Variants in MLIP observed in about 807,000 individuals in gnomAD.
The protein encoded by MLIP is muscular LMNA-interacting protein.
A neutral mutation model predicts 84.8 loss-of-function variants in MLIP; 79 were observed. The observed-to-expected ratio is 0.93, with a 90% CI of 0.78 to 1.12. The LOEUF (loss-of-function observed/expected upper bound fraction) is 1.12. MLIP is among the 50% of genes most tolerant of loss of function. The pLI, the probability that MLIP is intolerant of heterozygous loss-of-function variation, is 0.00. For missense variants in MLIP, 1,257 were observed against 1,160.6 expected (o/e 1.08, Z -1.21); for synonymous variants, 504 against 463.0 (o/e 1.09, Z -1.14).
rs183701117 is a variant in MLIP at position 54,224,347 on chromosome 6, A to G, written c.2719-6367A>G. On this transcript the variant is annotated intron_variant, in intron 11 of 13. Transcript: ENST00000502396. ...GTGAATTAGGAAATCCACAGGAAAT[A>G]AATACTTTATAGCAAAAATACCTAG... 2.5e-3 allele frequency among the ~76,000 whole-genome samples: 373 copies of G among 152,130 alleles called. 10 individuals carry two copies. The highest frequency in any genetic ancestry group is 2.2e-4 in the Non-Finnish European group (15 of 67,972).
At chr6:54,227,461 C>A (rs1264409605) in intron 11 of MLIP, among the ~76,000 whole-genome samples, 1 of 151,998 alleles carries the variant, frequency 6.6e-6, no homozygotes, top group Non-Finnish European at 1.5e-5. Flanking sequence ...TGAAAATTTT[C>A]CAAAATGTTA....
intron 4 of MLIP, among the ~76,000 whole-genome samples, chr6:54,145,146 T>C (rs954630102): frequency 6.6e-6 from 1 of 152,222 alleles, no homozygotes; most frequent in African/African-American, 2.4e-5. Context: ...GATTCAGGTT[T>C]AGGCCAATCA....
At chr6:54,033,775 A>G (rs917391544) in intron 1 of MLIP, among the ~76,000 whole-genome samples, 3 of 152,150 alleles carry the variant, frequency 2.0e-5, no homozygotes, top group Non-Finnish European at 4.4e-5. Flanking sequence ...CCAATGTGTA[A>G]TAAACAAATA....
intron 13 of MLIP, among the ~76,000 whole-genome samples, chr6:54,265,080 C>T (rs932429785): frequency 6.6e-6 from 1 of 151,964 alleles, no homozygotes; most frequent in Non-Finnish European, 1.5e-5. Flanking sequence ...AGGCAACTGA[C>T]CTCCTTTATT....
At chr6:54,043,753 T>C (rs560489216) in intron 1 of MLIP, among the ~76,000 whole-genome samples, 1 of 152,258 alleles carries the variant, frequency 6.6e-6, no homozygotes, top group East Asian at 1.9e-4. Context: ...GGGAAACAAA[T>C]CTTGATCCAG....
chr6:54,227,899 C>T (rs796570445), intron 11 of MLIP, among the ~76,000 whole-genome samples: 6 of 152,014 alleles, frequency 3.9e-5, no homozygotes, highest in African/African-American at 1.4e-4. Flanking sequence ...AATAGGAGAT[C>T]CAGGCCGGGC....
chr6:54,057,158 G>T (rs1446532391), intron 1 of MLIP, among the ~76,000 whole-genome samples: 1 of 152,134 alleles, frequency 6.6e-6, no homozygotes, highest in East Asian at 1.9e-4. Flanking sequence ...TAAATGACTT[G>T]CCCAAAGACA....
At chr6:54,119,254 C>T (rs867133721) in intron 1 of MLIP, among the ~76,000 whole-genome samples, 3 of 152,198 alleles carry the variant, frequency 2.0e-5, no homozygotes, top group Admixed American at 6.5e-5. Flanking sequence ...GTTATTACAG[C>T]AGTATCCACA....
intron 5 of MLIP, among the ~76,000 whole-genome samples, chr6:54,156,522 C>T (rs956097785): frequency 6.6e-6 from 1 of 152,036 alleles, no homozygotes; most frequent in African/African-American, 2.4e-5. Context: ...AGGAAATAAT[C>T]GCATTGCACT....
At chr6:54,024,247 G>T (rs1763672140) in intron 1 of MLIP, among the ~76,000 whole-genome samples, 1 of 152,144 alleles carries the variant, frequency 6.6e-6, no homozygotes, top group African/African-American at 2.4e-5. Flanking sequence ...CCTGACCTCA[G>T]GTAATTCGCC....
intron 1 of MLIP, among the ~76,000 whole-genome samples, chr6:54,103,366 C>T (rs1267576690): frequency 2.0e-5 from 3 of 152,092 alleles, no homozygotes; most frequent in Admixed American, 6.6e-5. Flanking sequence ...ATGGTTCTAT[C>T]CCAGGGCAAT....
At chr6:54,101,358 G>A (rs1768631197) in intron 1 of MLIP, among the ~76,000 whole-genome samples, 1 of 152,058 alleles carries the variant, frequency 6.6e-6, no homozygotes, top group Admixed American at 6.6e-5. Context: ...AGAGAGAAAT[G>A]AATATTTATT....
chr6:54,144,580 C>T (rs1772614711), intron 4 of MLIP, among the ~76,000 whole-genome samples: 2 of 152,164 alleles, frequency 1.3e-5, no homozygotes, highest in Non-Finnish European at 2.9e-5. Flanking sequence ...ATAGGGTTTG[C>T]ACTCCTATGA....
At chr6:54,164,622 C>T (rs1181591618) in intron 8 of MLIP, among the ~76,000 whole-genome samples, 1 of 151,974 alleles carries the variant, frequency 6.6e-6, no homozygotes, top group Non-Finnish European at 1.5e-5. Flanking sequence ...TTAGTATATA[C>T]TTTCCTCCAA....
intron 5 of MLIP, among the ~76,000 whole-genome samples, chr6:54,155,969 T>G (rs1016600027): frequency 3.3e-5 from 5 of 152,042 alleles, no homozygotes; most frequent in Non-Finnish European, 5.9e-5. Flanking sequence ...TGGTAGAAAA[T>G]GTATATTTTT....
chr6:54,020,627 G>C (rs1010575943), intron 1 of MLIP, among the ~76,000 whole-genome samples: 1 of 152,182 alleles, frequency 6.6e-6, no homozygotes, highest in Non-Finnish European at 1.5e-5. Context: ...GAAGTGATTC[G>C]ATGTATTAGC....
At chr6:54,024,036 G>A (rs972246414) in intron 1 of MLIP, among the ~76,000 whole-genome samples, 9 of 152,136 alleles carry the variant, frequency 5.9e-5, no homozygotes, top group Middle Eastern at 3.4e-3. Context: ...TTTTGAATTC[G>A]AGTTTCACTC....
chr6:54,078,628 G>C (rs1229356376), intron 1 of MLIP, among the ~76,000 whole-genome samples: 1 of 151,816 alleles, frequency 6.6e-6, no homozygotes. Flanking sequence ...AAAAATATAG[G>C]AGGCACAATG....
At chr6:54,201,285 A>G (rs1434581534) in intron 10 of MLIP, among the ~76,000 whole-genome samples, 1 of 152,198 alleles carries the variant, frequency 6.6e-6, no homozygotes, top group Admixed American at 6.5e-5. Context: ...TGAGTTAAAT[A>G]AAAAGGTGTG....
Sources: allele counts gnomAD v4.1 joint callset (sites outside exome capture counted in the v4.1 genomes callset), GRCh38; gene constraint gnomAD v4.1.1; transcripts MANE v1.5; gene names NCBI Gene and HGNC (gene_info 2026-07-23, HGNC 2026-07-21).